The following ROCK1 variants were observed in gnomAD, a reference collection of about 807,000 sequenced individuals.
The protein encoded by ROCK1 is Rho associated coiled-coil containing protein kinase 1, also known as rho-associated protein kinase 1.
A neutral mutation model predicts 196.8 loss-of-function variants in ROCK1; 36 were observed. That is an observed-to-expected ratio of 0.18 (90% CI 0.14 to 0.24). The LOEUF is 0.24. Among genes scored for constraint, ROCK1 ranks in the 10% least tolerant of loss-of-function variants. The pLI is 1.00. For missense variants in ROCK1, 920 were observed against 1,562.0 expected (o/e 0.59, Z 6.93); for synonymous variants, 443 against 515.9 (o/e 0.86, Z 1.91).
At chr18:20,998,203 C>T (rs1598522448) in intron 16 of ROCK1, among the ~76,000 whole-genome samples, 3 of 151,884 alleles carry the variant, frequency 2.0e-5, no homozygotes, top group Non-Finnish European at 2.9e-5. Flanking sequence ...GAATGACCAG[C>T]GGATTGATGA....
chr18:20,979,256 C>A (rs895794147), intron 22 of ROCK1, among the ~76,000 whole-genome samples: 2 of 152,070 alleles, frequency 1.3e-5, no homozygotes, highest in African/African-American at 4.8e-5. Flanking sequence ...CCTAAGAAGA[C>A]CTTAAATACC....
At chr18:20,959,076 A>ATATATATTTTATATAATATATATAT (rs2035288844) in intron 29 of ROCK1, among the ~76,000 whole-genome samples, 2 of 39,492 alleles carry the variant, frequency 5.1e-5, no homozygotes, top group African/African-American at 3.2e-4. Context: ...ATATTATATA[A>ATATATATTTTATATAATATATATAT]TATATATATT....
intron 22 of ROCK1, among the ~76,000 whole-genome samples, chr18:20,979,009 A>G (rs1223763342): frequency 2.0e-5 from 3 of 152,234 alleles, no homozygotes; most frequent in African/African-American, 7.2e-5. Flanking sequence ...GACATTACCT[A>G]GCTATGAGAT....
chr18:20,969,252 T>G, intron 23 of ROCK1, 44 bp from the exon 24 acceptor site: 1 of 1,208,006 alleles, frequency 8.3e-7, no homozygotes, highest in Non-Finnish European at 1.2e-6. Flanking sequence ...CTCTTTGCTA[T>G]TCTCGTATTT....
At chr18:20,960,034 T>C (rs1354024882) in intron 28 of ROCK1, 102 bp downstream of exon 28, 2 of 1,049,770 alleles carry the variant, frequency 1.9e-6, no homozygotes, top group East Asian at 4.8e-5. Flanking sequence ...TGTATTAATG[T>C]AAAATAAATG....
At chr18:20,959,471 C>A (rs1415247311) in intron 29 of ROCK1, among the ~76,000 whole-genome samples, 2 of 151,308 alleles carry the variant, frequency 1.3e-5, no homozygotes, top group Non-Finnish European at 2.9e-5. Context: ...CTCGACCTCC[C>A]AAAGTGCTGG....
Position 21,042,185 on chromosome 18 carries a change from T to C in ROCK1, c.871A>G (p.Met291Val). 6.2e-7 allele frequency: 1 copy of C among 1,604,014 alleles called. No individual in the cohort carries two copies. Among genetic ancestry groups the C allele is most frequent in the Non-Finnish European group, 8.5e-7 (1 of 1,176,556 alleles). Residue 291 changes from methionine to valine, a missense_variant, in exon 8 of 33, where the codon ATG becomes GTG. By Grantham distance (21) the Met-to-Val change is conservative. Around this residue, in one of 6 missense-constraint regions of ROCK1, gnomAD observed 234 missense variants for 460.7 expected, o/e 0.51. Transcript: ENST00000399799. ...AAGGTAAGTGAATTTTTATGGTTCA[T>C]AATTTTACTGTAAGTTCCAACCAAA... ...DSLVGTYSKI[M>V]NHKNSLTFPD... is the part of the protein sequence containing the mutation.
chr18:21,078,188 G>A (rs1199003353), intron 1 of ROCK1, among the ~76,000 whole-genome samples: 1 of 152,100 alleles, frequency 6.6e-6, no homozygotes, highest in Non-Finnish European at 1.5e-5. Flanking sequence ...AATTAGCCGG[G>A]TGTGGTGGCG....
intron 10 of ROCK1, among the ~76,000 whole-genome samples, chr18:21,024,328 A>C (rs1372091570): frequency 8.9e-6 from 1 of 112,174 alleles, no homozygotes; most frequent in Non-Finnish European, 1.6e-5. Context: ...TTAGTGAACT[A>C]ATTTAGAGGT....
In ROCK1 at chr18:20,986,848, C is replaced by T. The variant is rs1292647211; in HGVS notation, c.2304+102G>A. On this transcript the variant is annotated intron_variant, in intron 19 of 32. Coordinates refer to ENST00000399799, the MANE Select transcript of ROCK1 (RefSeq NM_005406.3). Reference sequence around the variant, plus strand: ...ACAGACCCATGTCAATTATTTCATTCAAATCTCCTTCATGGTGTTTAAATT... The same window carrying T: ...ACAGACCCATGTCAATTATTTCATTTAAATCTCCTTCATGGTGTTTAAATT... 1.1e-5 allele frequency: 12 copies of T among 1,059,496 alleles called. No homozygotes were observed. The African/African-American group carries it at 1.9e-4, about 17-fold the overall frequency. 65.6% of individuals were successfully genotyped at this position (1,059,496 alleles called of 1,614,324 possible).
intron 27 of ROCK1, 150 bp from the exon 28 acceptor site, chr18:20,960,356 C>A: frequency 1.8e-6 from 1 of 556,032 alleles, no homozygotes; most frequent in Non-Finnish European, 3.2e-6. Flanking sequence ...TTCAATCACA[C>A]AAATCAACTT....
At chr18:21,013,041 C>T (rs2035832259) in intron 13 of ROCK1, among the ~76,000 whole-genome samples, 1 of 152,114 alleles carries the variant, frequency 6.6e-6, no homozygotes, top group South Asian at 2.1e-4. Context: ...CTCACTGAAA[C>T]ATATTTATGG....
chr18:21,044,284 AG>A, intron 5 of ROCK1, 98 bp from the exon 6 acceptor site: 1 of 773,148 alleles, frequency 1.3e-6, no homozygotes, highest in South Asian at 1.7e-5. Flanking sequence ...TCCTCAATCT[AG>A]GTAAGGCCAT....
intron 1 of ROCK1, among the ~76,000 whole-genome samples, chr18:21,076,617 T>A (rs1655671988): frequency 6.6e-6 from 1 of 152,074 alleles, no homozygotes; most frequent in African/African-American, 2.4e-5. Flanking sequence ...TTTCACCATG[T>A]TGGCCAGGTT....
intron 9 of ROCK1, among the ~76,000 whole-genome samples, chr18:21,035,588 T>C (rs1442207700): frequency 2.6e-5 from 4 of 152,206 alleles, no homozygotes; most frequent in Admixed American, 6.5e-5. Context: ...AATATCCATA[T>C]ATATAACATT....
At position 20,992,892 on chromosome 18, in the gene ROCK1, T is replaced by C. The variant is rs769435215; in HGVS notation, c.1931A>G (p.Asn644Ser). 1.2e-6 allele frequency: 2 copies of C among 1,612,790 alleles called. No individual in the cohort carries two copies. The highest frequency in any genetic ancestry group is 1.7e-4 in the Middle Eastern group (1 of 6,050). Residue 644 changes from asparagine (N) to serine (S), a missense_variant, in exon 17 of 33, where the codon AAT becomes AGT. Asn to Ser is a conservative substitution (Grantham distance 46). Transcript: ENST00000399799. The part of the protein sequence containing the change: ...LQEEVKHLKH[N>S]LEKVEGERKE... ...TCTTTCTCCTTCCACTTTTTCGAGA[T>C]TATGTTTGAGATGCTTCACCTCCTC...
chr18:21,083,802 A>C (rs1369827820), intron 1 of ROCK1, among the ~76,000 whole-genome samples: 1 of 152,236 alleles, frequency 6.6e-6, no homozygotes, highest in African/African-American at 2.4e-5. Flanking sequence ...TAAGGCTTTC[A>C]GTCAACAGCA....
In ROCK1 at chr18:21,104,937, A is replaced by C. The variant is rs192628881; in HGVS notation, c.93+5881T>G. Among the ~76,000 whole-genome samples, 11 of 152,348 alleles carry C rather than the reference A, an allele frequency of 7.2e-5. No individual in the cohort carries two copies. In the East Asian group the frequency reaches 2.1e-3, roughly 29 times the overall value. On this transcript the variant is annotated intron_variant, in intron 1 of 32. Coordinates refer to ENST00000399799, the MANE Select transcript of ROCK1 (RefSeq NM_005406.3). Reference sequence around the variant, plus strand: ...CAATTGGCTTAGACGTCAATAACGCACAGCTAGATTATGAATTTATGAGCG... The same window carrying C: ...CAATTGGCTTAGACGTCAATAACGCCCAGCTAGATTATGAATTTATGAGCG...
chr18:20,995,757 A>G (rs2035665443), intron 16 of ROCK1, among the ~76,000 whole-genome samples: 1 of 152,238 alleles, frequency 6.6e-6, no homozygotes, highest in Non-Finnish European at 1.5e-5. Flanking sequence ...CCTCTGCATT[A>G]TAATACAGAT....
Sources: allele counts gnomAD v4.1 joint callset (sites outside exome capture counted in the v4.1 genomes callset), GRCh38; gene constraint gnomAD v4.1.1; regional missense constraint gnomAD v4.1.1; transcripts MANE v1.5; gene names NCBI Gene and HGNC (gene_info 2026-07-23, HGNC 2026-07-21).